The following PTBP1 variants were observed in gnomAD, a reference collection of about 807,000 sequenced individuals.
PTBP1 encodes the protein polypyrimidine tract binding protein 1, also known as polypyrimidine tract-binding protein 1.
Under a neutral mutation model 59.8 loss-of-function variants are expected in PTBP1, and 8 were observed. That is an observed-to-expected ratio of 0.13 (90% CI 0.08 to 0.24). The LOEUF (loss-of-function observed/expected upper bound fraction) is 0.24. Among genes scored for constraint, PTBP1 ranks in the 10% least tolerant of loss-of-function variants. PTBP1 has a pLI of 1.00. For missense variants in PTBP1, 686 were observed against 767.0 expected (o/e 0.89, Z 1.25); for synonymous variants, 490 against 320.7 (o/e 1.53, Z -5.64).
At position 804,537 on chromosome 19, in the gene PTBP1, C is replaced by A. The variant is rs1174857357; in HGVS notation, c.441C>A (p.Ala147=). 5.6e-6 allele frequency: 9 copies of A among 1,602,392 alleles called. No homozygotes were observed. The African/African-American group carries it at 1.2e-4, about 21-fold the overall frequency. Reference sequence around the variant, plus strand: ...CACGGCTGTGCCTCCCACAGCGGGCCCAGGCGGCCCTGCAGGCGGTGAACT... The same window carrying A: ...CACGGCTGTGCCTCCCACAGCGGGCACAGGCGGCCCTGCAGGCGGTGAACT... The part of the protein sequence containing the change: ...KTDSSPNQAR[A]QAALQAVNSV... The change falls in exon 6 of 15, where the codon GCC becomes GCA. Residue 147 remains alanine (A), a synonymous_variant. Coordinates refer to ENST00000356948, the MANE Select transcript of PTBP1 (RefSeq NM_002819.5).
intron 2 of PTBP1, among the ~76,000 whole-genome samples, chr19:800,101 ATT>A (rs35076364): frequency 0.15 from 19,224 of 131,460 alleles, 1,428 homozygotes; most frequent in African/African-American, 0.21. Flanking sequence ...TAATTTTTGT[ATT>A]TTTTTTTTTT....
chr19:805,955 C>A (rs2034544488), intron 9 of PTBP1: 2 of 275,532 alleles, frequency 7.3e-6, no homozygotes, highest in Non-Finnish European at 1.4e-5. Flanking sequence ...GACGTGTGTG[C>A]GTGGCCGTCC....
rs753307845 is a variant in PTBP1 at position 804,083 on chromosome 19, G to A, written c.163G>A (p.Gly55Ser). 2 of 1,614,070 alleles carry A rather than the reference G, an allele frequency of 1.2e-6. No individual in the cohort carries two copies. The highest frequency in any genetic ancestry group is 2.2e-5 in the South Asian group (2 of 91,082). Residue 55 changes from glycine to serine, a missense_variant, in exon 4 of 15, where the codon GGC becomes AGC. Physicochemically the swap from Gly to Ser is moderately conservative, Grantham distance 56 (BLOSUM62 0). Transcript: ENST00000356948. Reference protein sequence around the residue: ...KKFKGDSRSAGVPSRVIHIRK... With the variant: ...KKFKGDSRSASVPSRVIHIRK... Reference sequence around the variant, plus strand: ...GTTCAAAGGTGACAGCCGAAGTGCAGGCGTCCCCTCTAGAGTGATCCACAT... The same window carrying A: ...GTTCAAAGGTGACAGCCGAAGTGCAAGCGTCCCCTCTAGAGTGATCCACAT...
rs565674127 is a variant in PTBP1, at chr19:803,957, G to A, written c.116-79G>A. On this transcript the variant is annotated intron_variant, in intron 3 of 14. Coordinates refer to ENST00000356948, the MANE Select transcript of PTBP1 (RefSeq NM_002819.5). ...AGGGTTGGTCTCCGTAGCAGGCAGG[G>A]CTCTAGGGGGATAGCAGGGACCTTC... 4.4e-5 allele frequency: 68 copies of A among 1,553,442 alleles called. No homozygotes were observed. The East Asian group carries it at 1.5e-3, about 33-fold the overall frequency.
intron 10 of PTBP1, chr19:806,784 A>G (rs1461669644): frequency 1.1e-5 from 5 of 464,210 alleles, no homozygotes; most frequent in East Asian, 3.6e-5. Context: ...TGATACGCAG[A>G]ATGAATTATT....
At chr19:807,537 T>C in intron 10 of PTBP1, 1 of 366,712 alleles carries the variant, frequency 2.7e-6, no homozygotes, top group Non-Finnish European at 4.9e-6. Context: ...TTTTTGCTAC[T>C]TTTTTTCTTT....
Position 810,968 on chromosome 19 carries a change from AAAATT to A in PTBP1, c.*147_*151del. 1.1e-6 allele frequency: 1 copy of A among 932,956 alleles called. No individual in the cohort carries two copies. 57.8% of individuals were successfully genotyped at this position (932,956 alleles called of 1,614,324 possible). ...AGAAATCAGTTTACCTGTTTTTAAA[AAAATT>A]AAATCTAGTTCACCTTGCTCACCCT... On this transcript the variant is annotated 3_prime_UTR_variant, in exon 15 of 15. Transcript: ENST00000356948.
Position 804,242 on chromosome 19 carries a change from C to A in PTBP1, c.288+34C>A, listed in dbSNP as rs370235561. 3.7e-6 allele frequency: 6 copies of A among 1,609,848 alleles called. No homozygotes were observed. The African/African-American group carries it at 8.0e-5, about 22-fold the overall frequency. ...GCCGCGTTTCTCCGGGGTGCTCACA[C>A]CGTGCAGGCGGGGACGAGGAGGGCC... On this transcript the variant is annotated intron_variant, in intron 4 of 14. Transcript: ENST00000356948.
chr19:802,337 C>T (rs1365399835), intron 2 of PTBP1, among the ~76,000 whole-genome samples: 2 of 151,776 alleles, frequency 1.3e-5, no homozygotes, highest in Admixed American at 6.6e-5. Flanking sequence ...GGAGGGGAGG[C>T]GGCCTTAAGA....
chr19:801,559 A>G (rs2034334985), intron 2 of PTBP1, among the ~76,000 whole-genome samples: 1 of 152,240 alleles, frequency 6.6e-6, no homozygotes. Flanking sequence ...TGCAGCCAGC[A>G]CATGGGAGCC....
intron 13 of PTBP1, among the ~76,000 whole-genome samples, chr19:809,180 T>C (rs2034728985): frequency 1.3e-5 from 2 of 152,126 alleles, no homozygotes; most frequent in Non-Finnish European, 2.9e-5. Context: ...GGCTAATTTT[T>C]GTATTTTTAG....
chr19:802,972 T>A (rs549872394), intron 2 of PTBP1, among the ~76,000 whole-genome samples: 1 of 152,344 alleles, frequency 6.6e-6, no homozygotes, highest in African/African-American at 2.4e-5. Flanking sequence ...AGGCCGTGTC[T>A]CTAGTCCTCA....
At chr19:800,975 G>C (rs992569010) in intron 2 of PTBP1, among the ~76,000 whole-genome samples, 1 of 152,138 alleles carries the variant, frequency 6.6e-6, no homozygotes, top group Non-Finnish European at 1.5e-5. Flanking sequence ...GCAGGCCCTG[G>C]TAGGAGGACG....
chr19:799,650 C>G (rs985792945), intron 2 of PTBP1, among the ~76,000 whole-genome samples: 1 of 152,256 alleles, frequency 6.6e-6, no homozygotes, highest in African/African-American at 2.4e-5. Context: ...GGTTTGCTGG[C>G]CGCCCCTCAG....
In PTBP1 at chr19:804,426, T is replaced by C. The variant is rs2034468967; in HGVS notation, c.423T>C (p.Ser141=). ...ACAAGGAGCTGAAGACCGACAGCTC[T>C]CCCAACCAGGCGGTGCGTGGCCCCG... is the stretch of plus-strand genomic sequence containing the variant. ...SNHKELKTDS[S]PNQARAQAAL... The change falls in exon 5 of 15, where the codon TCT becomes TCC. Residue 141 remains serine, a synonymous_variant. Coordinates refer to ENST00000356948, the MANE Select transcript of PTBP1 (RefSeq NM_002819.5). 6 of 1,611,326 alleles carry C rather than the reference T, an allele frequency of 3.7e-6. No individual in the cohort carries two copies. The highest frequency in any genetic ancestry group is 5.1e-6 in the Non-Finnish European group (6 of 1,179,968).
At chr19:810,393 G>C (rs1472122376) in intron 13 of PTBP1, 150 bp from the exon 14 acceptor site, 8 of 625,928 alleles carry the variant, frequency 1.3e-5, no homozygotes, top group Admixed American at 3.3e-5. Context: ...GACCATTGTG[G>C]ACATGATTTG....
intron 2 of PTBP1, among the ~76,000 whole-genome samples, chr19:802,359 G>A (rs996003676): frequency 6.6e-6 from 1 of 152,036 alleles, no homozygotes; most frequent in African/African-American, 2.4e-5. Context: ...AAGACCAAGC[G>A]CAGGCTCGGG....
At position 806,568 on chromosome 19, in the gene PTBP1, T is replaced by A. The variant is rs1293212668; in HGVS notation, c.1119+12T>A. 6.7e-7 allele frequency: 1 copy of A among 1,485,928 alleles called. No homozygotes were observed. Among genetic ancestry groups the A allele is most frequent in the African/African-American group, 1.5e-5 (1 of 68,062 alleles). 92.0% of individuals were successfully genotyped at this position (1,485,928 alleles called of 1,614,324 possible). On this transcript the variant is annotated intron_variant, in intron 10 of 14. Coordinates refer to ENST00000356948, the MANE Select transcript of PTBP1 (RefSeq NM_002819.5). ...ACCTCAACCCAGAGGTACGTGGGCT[T>A]TTCCTCCGCGCCGCCGTTCCTCCCG...
Position 811,500 on chromosome 19 carries a change from CTT to C in PTBP1, c.*679_*680del, listed in dbSNP as rs977884378. On this transcript the variant is annotated 3_prime_UTR_variant, in exon 15 of 15. Transcript: ENST00000356948. ...TTTCCAGTTGACCAAATATTCTAATCTTTTTTCATTTATATGCAAAAGAAATA... is the reference window on the plus strand; with the variant it reads ...TTTCCAGTTGACCAAATATTCTAATCTTTTCATTTATATGCAAAAGAAATA... 3.9e-5 allele frequency: 6 copies of C among 152,590 alleles called. No homozygotes were observed. Among genetic ancestry groups the C allele is most frequent in the African/African-American group, 1.4e-4 (6 of 41,584 alleles). The allele number at this position is 152,590 out of a possible 1,614,324, so 9.5% of individuals were successfully genotyped here. A position where few individuals can be genotyped will look rare whatever the true frequency, so the allele number is the denominator to read the frequency against.
Sources: allele counts gnomAD v4.1 joint callset (sites outside exome capture counted in the v4.1 genomes callset), GRCh38; gene constraint gnomAD v4.1.1; transcripts MANE v1.5; gene names NCBI Gene and HGNC (gene_info 2026-07-23, HGNC 2026-07-21).